SAMTOR: variants seen among roughly 807,000 people sequenced by gnomAD.
SAMTOR encodes the protein UPF0532 protein C7orf60.
chr7:112,828,561 C>G, the SAMTOR span, among the ~76,000 whole-genome samples: 1 of 152,156 alleles, frequency 6.6e-6, no homozygotes, highest in African/African-American at 2.4e-5. Context: ...TGTAAAGCTC[C>G]TATCTTCAAA....
At chr7:112,821,163 A>G in the SAMTOR span, 2 of 152,492 alleles carry the variant, frequency 1.3e-5, no homozygotes, top group African/African-American at 2.4e-5. Flanking sequence ...AGCTTTTAAT[A>G]TAAGGAAGAA....
chr7:112,832,805 A>C, the SAMTOR span: 2 of 594,082 alleles, frequency 3.4e-6, no homozygotes, highest in Non-Finnish European at 6.0e-6. Flanking sequence ...GGCCCCAATG[A>C]GCTTTCATTT....
the SAMTOR span, among the ~76,000 whole-genome samples, chr7:112,886,829 T>C: frequency 6.6e-6 from 1 of 152,200 alleles, no homozygotes; most frequent in Non-Finnish European, 1.5e-5. Context: ...AATTATACAT[T>C]GAAGTACAGC....
the SAMTOR span, among the ~76,000 whole-genome samples, chr7:112,858,815 T>C: frequency 2.6e-5 from 4 of 152,312 alleles, no homozygotes; most frequent in South Asian, 8.3e-4. Context: ...TTATCTGTGA[T>C]TTTAATTTCT....
chr7:112,875,494 TA>T, the SAMTOR span, among the ~76,000 whole-genome samples: 17 of 152,164 alleles, frequency 1.1e-4, no homozygotes, highest in Admixed American at 5.9e-4. Flanking sequence ...AAAATGAATT[TA>T]CCTTAGATAT....
At chr7:112,874,498 A>C in the SAMTOR span, among the ~76,000 whole-genome samples, 2 of 152,104 alleles carry the variant, frequency 1.3e-5, no homozygotes, top group Non-Finnish European at 2.9e-5. Flanking sequence ...AACGTAGAGG[A>C]GGGAGGTAGG....
chr7:112,851,519 C>CT, the SAMTOR span, among the ~76,000 whole-genome samples: 4 of 152,106 alleles, frequency 2.6e-5, no homozygotes, highest in Non-Finnish European at 2.9e-5. Flanking sequence ...GAACTCATAT[C>CT]TCTTGCCATA....
the SAMTOR span, among the ~76,000 whole-genome samples, chr7:112,861,305 T>C: frequency 5.3e-5 from 8 of 152,128 alleles, no homozygotes; most frequent in Non-Finnish European, 7.3e-5. Context: ...TTATATTTCA[T>C]AGAAATTTCT....
chr7:112,853,843 AAT>A, the SAMTOR span, among the ~76,000 whole-genome samples: 1 of 152,172 alleles, frequency 6.6e-6, no homozygotes, highest in Non-Finnish European at 1.5e-5. Flanking sequence ...AATACTTTGA[AAT>A]CAATGATCTA....
At chr7:112,934,983 T>G in the SAMTOR span, among the ~76,000 whole-genome samples, 1 of 152,218 alleles carries the variant, frequency 6.6e-6, no homozygotes, top group East Asian at 1.9e-4. Flanking sequence ...TTACTATTAC[T>G]GATTACTGAA....
chr7:112,905,160 C>T, the SAMTOR span, among the ~76,000 whole-genome samples: 1 of 152,186 alleles, frequency 6.6e-6, no homozygotes, highest in Non-Finnish European at 1.5e-5. Context: ...CTCTGCCCTG[C>T]CTTGGCTTTT....
chr7:112,844,730 G>C, the SAMTOR span, among the ~76,000 whole-genome samples: 2 of 152,156 alleles, frequency 1.3e-5, no homozygotes, highest in East Asian at 3.9e-4. Flanking sequence ...ATTCTTCACA[G>C]AACTAGAAAA....
chr7:112,864,094 G>A, the SAMTOR span, among the ~76,000 whole-genome samples: 1 of 152,176 alleles, frequency 6.6e-6, no homozygotes, highest in Admixed American at 6.5e-5. Flanking sequence ...CATATCCTTT[G>A]CAGGGACAAT....
chr7:112,865,045 G>A, the SAMTOR span, among the ~76,000 whole-genome samples: 1 of 152,058 alleles, frequency 6.6e-6, no homozygotes, highest in African/African-American at 2.4e-5. Flanking sequence ...TGAGCCACCA[G>A]CCCTGGCCTA....
At chr7:112,878,736 G>A in the SAMTOR span, among the ~76,000 whole-genome samples, 2 of 152,030 alleles carry the variant, frequency 1.3e-5, no homozygotes, top group South Asian at 2.1e-4. Context: ...AGAAATGAGG[G>A]AGGCATATTT....
chr7:112,921,962 TC>T, the SAMTOR span, among the ~76,000 whole-genome samples: 6 of 151,314 alleles, frequency 4.0e-5, no homozygotes, highest in African/African-American at 9.7e-5. Flanking sequence ...CCTCTCCCTC[TC>T]CCTCTCCCGC....
chr7:112,909,349 G>A, the SAMTOR span, among the ~76,000 whole-genome samples: 3 of 152,056 alleles, frequency 2.0e-5, no homozygotes, highest in Non-Finnish European at 4.4e-5. Flanking sequence ...AGAGGCAGGT[G>A]TAAATGAAGA....
the SAMTOR span, among the ~76,000 whole-genome samples, chr7:112,823,534 T>C: frequency 1.3e-5 from 2 of 152,214 alleles, no homozygotes. Flanking sequence ...TCCCATTGTA[T>C]CAAGGATGTA....
At chr7:112,882,276 C>T in the SAMTOR span, among the ~76,000 whole-genome samples, 1 of 152,224 alleles carries the variant, frequency 6.6e-6, no homozygotes, top group Non-Finnish European at 1.5e-5. Context: ...TGATAACAAC[C>T]TGCCAGGCTG....
Sources: gnomAD v4.1 joint callset for allele counts (sites outside exome capture counted in the v4.1 genomes callset) on GRCh38, gnomAD v4.1.1 for gene constraint, MANE v1.5 for transcripts, NCBI Gene and HGNC (gene_info 2026-07-23, HGNC 2026-07-21) for gene names.